Variants in LGSN observed in about 807,000 individuals in gnomAD.
LGSN encodes lengsin.
A neutral mutation model predicts 19.5 loss-of-function variants in LGSN; 21 were observed. The ratio of observed to expected loss-of-function variants is 1.07; its 90% CI spans 0.76 to 1.55. The LOEUF (loss-of-function observed/expected upper bound fraction) is 1.55, where lower values mean the gene tolerates loss of function less well. Ranked by LOEUF, LGSN falls within the 40% of genes most tolerant of loss-of-function variation. The pLI, the probability that LGSN is intolerant of heterozygous loss-of-function variation, is 0.00. For synonymous variants in LGSN, 257 were observed against 215.6 expected (o/e 1.19, Z -1.68); for missense variants, 673 against 608.5 (o/e 1.11, Z -1.12).
At chr6:63,288,263 AAATAAAT>A (rs200532813) in intron 2 of LGSN, among the ~76,000 whole-genome samples, 11,525 of 142,794 alleles carry the variant, frequency 0.081, 567 homozygotes, top group Non-Finnish European at 0.12. Flanking sequence ...ATAAATAAAT[AAATAAAT>A]AATAATAATA....
Position 63,306,401 on chromosome 6 carries a change from C to A in LGSN, c.31-11356G>T, listed in dbSNP as rs1768387972. On this transcript the variant is annotated intron_variant, in intron 1 of 3. Transcript: ENST00000370657. ...ACTCATAAAACTTGTTCAACTTCTT[C>A]AATTATATATTCTTTTTCAATTGTA... Among the ~76,000 whole-genome samples the A allele has an allele frequency of 3.9e-5, 6 of 152,278 alleles. No homozygotes were observed. The South Asian group carries it at 1.2e-3, about 32-fold the overall frequency.
At chr6:63,300,168 A>G (rs528237734) in intron 1 of LGSN, among the ~76,000 whole-genome samples, 3 of 152,308 alleles carry the variant, frequency 2.0e-5, no homozygotes, top group Non-Finnish European at 4.4e-5. Context: ...CCTGCTGGCC[A>G]TGCTGAGAGG....
chr6:63,558,073 T>C, the LGSN span, among the ~76,000 whole-genome samples: 1 of 152,048 alleles, frequency 6.6e-6, no homozygotes, highest in Non-Finnish European at 1.5e-5. Flanking sequence ...GGTTTCACCA[T>C]ATTGGCCAGG....
chr6:63,419,664 G>A, the LGSN span, among the ~76,000 whole-genome samples: 3 of 151,656 alleles, frequency 2.0e-5, no homozygotes, highest in Non-Finnish European at 2.9e-5. Flanking sequence ...CAAAGCGGGC[G>A]GATTGCCTGA....
the LGSN span, among the ~76,000 whole-genome samples, chr6:63,507,230 G>T: frequency 6.6e-6 from 1 of 152,150 alleles, no homozygotes; most frequent in Non-Finnish European, 1.5e-5. Context: ...CTAATGTACT[G>T]TGAGAATTCA....
the LGSN span, among the ~76,000 whole-genome samples, chr6:63,389,245 C>A: frequency 6.6e-6 from 1 of 152,032 alleles, no homozygotes; most frequent in African/African-American, 2.4e-5. Flanking sequence ...AAGAACAAAT[C>A]AAAAAATGTG....
chr6:63,540,438 T>C, the LGSN span, among the ~76,000 whole-genome samples: 503 of 152,080 alleles, frequency 3.3e-3, 4 homozygotes, highest in African/African-American at 0.011. Flanking sequence ...CTGATCAACA[T>C]GGTGAAACCC....
At chr6:63,292,479 C>T (rs35450635) in intron 2 of LGSN, among the ~76,000 whole-genome samples, 2 of 152,082 alleles carry the variant, frequency 1.3e-5, no homozygotes, top group Non-Finnish European at 2.9e-5. Flanking sequence ...CCAAGGGGTT[C>T]TAGGCCACGC....
At chr6:63,303,032 G>T (rs1412395703) in intron 1 of LGSN, among the ~76,000 whole-genome samples, 3 of 152,156 alleles carry the variant, frequency 2.0e-5, no homozygotes, top group African/African-American at 7.2e-5. Context: ...GGAAGCTGAG[G>T]CAGGAGAATC....
At chr6:63,445,625 A>AG in the LGSN span, among the ~76,000 whole-genome samples, 1 of 152,170 alleles carries the variant, frequency 6.6e-6, no homozygotes, top group Non-Finnish European at 1.5e-5. Flanking sequence ...CTCAAAAAAA[A>AG]TAATAAAAAT....
chr6:63,381,451 GA>G, the LGSN span, among the ~76,000 whole-genome samples: 4 of 152,168 alleles, frequency 2.6e-5, no homozygotes, highest in Non-Finnish European at 5.9e-5. Context: ...GTAGTACTAA[GA>G]AAAACTGCCT....
chr6:63,428,173 C>T, the LGSN span, among the ~76,000 whole-genome samples: 3 of 151,956 alleles, frequency 2.0e-5, no homozygotes, highest in African/African-American at 7.2e-5. Flanking sequence ...AAAAATAAAA[C>T]GTTTGCACAA....
chr6:63,556,295 A>G, the LGSN span, among the ~76,000 whole-genome samples: 1 of 151,890 alleles, frequency 6.6e-6, no homozygotes, highest in African/African-American at 2.4e-5. Context: ...AGTAGCTAGG[A>G]ATACAGGTGT....
the LGSN span, chr6:63,549,474 ACCTTCT>A: frequency 1.3e-6 from 1 of 789,556 alleles, no homozygotes. Context: ...GGCCGGAGCC[ACCTTCT>A]TTCCCTTGGC....
Position 63,294,898 on chromosome 6 carries a change from A to G in LGSN, c.163+15T>C, listed in dbSNP as rs562944161. On this transcript the variant is annotated intron_variant, in intron 2 of 3. Transcript: ENST00000370657. Reference sequence around the variant, plus strand: ...CTGACCACACCATTTTTGAGGACTCAGAGTAGTTAGATACCATTTGAATTG... The same window carrying G: ...CTGACCACACCATTTTTGAGGACTCGGAGTAGTTAGATACCATTTGAATTG... 1.9e-6 allele frequency: 3 copies of G among 1,613,470 alleles called. No individual in the cohort carries two copies. The Admixed American group carries it at 5.0e-5, about 27-fold the overall frequency.
rs1338857851 is a variant in LGSN, at chr6:63,278,087, A to T, written c.*1934T>A. The T allele has an allele frequency of 6.6e-6, 1 of 152,080 alleles. No individual in the cohort carries two copies. Among genetic ancestry groups the T allele is most frequent in the African/African-American group, 2.4e-5 (1 of 41,386 alleles). 9.4% of individuals were successfully genotyped at this position (152,080 alleles called of 1,614,324 possible). A position where few individuals can be genotyped will look rare whatever the true frequency, so the allele number is the denominator to read the frequency against. On this transcript the variant is annotated 3_prime_UTR_variant, in exon 4 of 4. Transcript: ENST00000370657. ...CGAGACTCCATCTCGGAAAAAAAAA[A>T]AAAATACAAGAAAAGAAAAGAAAAT...
the LGSN span, among the ~76,000 whole-genome samples, chr6:63,406,580 G>A: frequency 3.7e-3 from 564 of 150,452 alleles, 1 homozygote; most frequent in Non-Finnish European, 6.8e-3. Context: ...AAGCAGGAAA[G>A]ATCCAAAATT....
chr6:63,281,304 A>AATATATATATAT (rs1223943140), intron 3 of LGSN, 84 bp from the exon 4 acceptor site: 2,483 of 135,408 alleles, frequency 0.018, 33 homozygotes, highest in African/African-American at 0.032. Context: ...TGCTAATGAA[A>AATATATATATAT]ATATATATAT....
the LGSN span, among the ~76,000 whole-genome samples, chr6:63,505,568 AGAAAGAAAG>A: frequency 3.1e-4 from 10 of 32,360 alleles, no homozygotes; most frequent in Admixed American, 3.8e-3. Flanking sequence ...AAAAAAAAAA[AGAAAGAAAG>A]AAAGAAAGAA....
Sources: allele counts gnomAD v4.1 joint callset (sites outside exome capture counted in the v4.1 genomes callset), GRCh38; gene constraint gnomAD v4.1.1; transcripts MANE v1.5; gene names NCBI Gene and HGNC (gene_info 2026-07-23, HGNC 2026-07-21).